MAD1L1: variants seen among roughly 807,000 people sequenced by gnomAD.
MAD1L1 encodes mitotic arrest deficient 1 like 1.
Under a neutral mutation model 96.9 loss-of-function variants are expected in MAD1L1, and 95 were observed. That is an observed-to-expected ratio of 0.98 (90% confidence interval 0.83 to 1.16). The LOEUF (loss-of-function observed/expected upper bound fraction) is 1.16, where lower values mean the gene tolerates loss of function less well. Ranked by LOEUF, MAD1L1 falls within the 50% of genes most tolerant of loss-of-function variation. The probability of loss-of-function intolerance (pLI) is 0.00; values close to 1 mark genes in which losing one functional copy is unlikely to be tolerated. For synonymous variants in MAD1L1, 473 were observed against 396.6 expected (o/e 1.19, Z -2.29); for missense variants, 1,007 against 954.4 (o/e 1.06, Z -0.73).
chr7:2,064,346 C>T (rs1450640161), intron 12 of MAD1L1, among the ~76,000 whole-genome samples: 4 of 152,150 alleles, frequency 2.6e-5, no homozygotes, highest in African/African-American at 7.2e-5. Flanking sequence ...GCAGAGTCAA[C>T]TGAGAACGCG....
chr7:2,044,302 C>T (rs1402111488), intron 12 of MAD1L1, among the ~76,000 whole-genome samples: 4 of 152,222 alleles, frequency 2.6e-5, no homozygotes, highest in Admixed American at 6.5e-5. Context: ...GAGACACAGA[C>T]GAATGACTTC....
intron 5 of MAD1L1, among the ~76,000 whole-genome samples, chr7:2,221,354 G>A (rs1584586575): frequency 2.0e-5 from 3 of 152,172 alleles, no homozygotes; most frequent in South Asian, 2.1e-4. Context: ...AGCTTCTCGG[G>A]AGCCAATCAC....
intron 10 of MAD1L1, among the ~76,000 whole-genome samples, chr7:2,202,362 C>T (rs1200748057): frequency 6.6e-6 from 1 of 152,222 alleles, no homozygotes; most frequent in Non-Finnish European, 1.5e-5. Flanking sequence ...CTGGCTCACG[C>T]CCCACCCTGG....
intron 10 of MAD1L1, among the ~76,000 whole-genome samples, chr7:2,159,552 C>G (rs1004600028): frequency 2.6e-5 from 4 of 152,204 alleles, no homozygotes; most frequent in Non-Finnish European, 4.4e-5. Context: ...AATGCAGGCT[C>G]CAGAAAGGCA....
chr7:1,980,257 T>G (rs1291588541), intron 15 of MAD1L1, among the ~76,000 whole-genome samples, 196 bp downstream of exon 15: 1 of 150,270 alleles, frequency 6.7e-6, no homozygotes, highest in African/African-American at 2.5e-5. Flanking sequence ...CGTGCCCACC[T>G]CCCCCCACCC....
At chr7:1,989,785 G>T (rs1319014863) in intron 14 of MAD1L1, among the ~76,000 whole-genome samples, 1 of 152,224 alleles carries the variant, frequency 6.6e-6, no homozygotes, top group Non-Finnish European at 1.5e-5. Context: ...CCCAGCCTCA[G>T]TGTAGGCCGG....
intron 18 of MAD1L1, among the ~76,000 whole-genome samples, chr7:1,893,218 C>A (rs1437760642): frequency 6.6e-6 from 1 of 152,190 alleles, no homozygotes; most frequent in Non-Finnish European, 1.5e-5. Context: ...GCAGCCAGCT[C>A]CCTCCACCCA....
chr7:2,095,476 T>C (rs1037341937), intron 11 of MAD1L1, among the ~76,000 whole-genome samples: 5 of 152,182 alleles, frequency 3.3e-5, no homozygotes, highest in Admixed American at 6.5e-5. Flanking sequence ...GCAGCCTGAG[T>C]GGGTTAGCGC....
chr7:1,893,012 A>G (rs1239946013), intron 18 of MAD1L1, among the ~76,000 whole-genome samples: 1 of 152,148 alleles, frequency 6.6e-6, no homozygotes, highest in African/African-American at 2.4e-5. Context: ...CACTGGGAGG[A>G]GTGCAGCCGG....
intron 10 of MAD1L1, among the ~76,000 whole-genome samples, chr7:2,151,998 C>T (rs1035321306): frequency 2.7e-5 from 4 of 149,686 alleles, no homozygotes; most frequent in Non-Finnish European, 4.4e-5. Context: ...ACATTCCCAC[C>T]GACTCTGCAG....
chr7:2,166,099 A>C (rs1039167205), intron 10 of MAD1L1, among the ~76,000 whole-genome samples: 1 of 152,228 alleles, frequency 6.6e-6, no homozygotes, highest in African/African-American at 2.4e-5. Context: ...GGCCGCCAGC[A>C]GCAAAGTCCA....
chr7:1,841,770 T>G (rs555557307), intron 18 of MAD1L1, among the ~76,000 whole-genome samples: 2 of 152,342 alleles, frequency 1.3e-5, no homozygotes, highest in East Asian at 3.9e-4. Flanking sequence ...GGCTGTGAGC[T>G]CAGCCTCAGT....
At chr7:2,149,005 C>T in intron 11 of MAD1L1, 147 bp downstream of exon 11, 1 of 689,768 alleles carries the variant, frequency 1.4e-6, no homozygotes, top group Non-Finnish European at 2.6e-6. Context: ...CCCTCAAATC[C>T]CTGCTCCCCC....
rs530929022 is a variant in MAD1L1 at position 1,891,446 on chromosome 7, A to G, written c.1998+6754T>C. 3.9e-5 allele frequency among the ~76,000 whole-genome samples: 6 copies of G among 152,260 alleles called. No individual in the cohort carries two copies. The East Asian group carries it at 9.7e-4, about 25-fold the overall frequency. ...GAGGCTGAGGGAGGAGAATCGCTTG[A>G]ACCAGGGAGGCAGAGGTTGCAGTGA... On this transcript the variant is annotated intron_variant, in intron 18 of 18. Transcript: ENST00000265854.
chr7:2,116,602 T>C (rs1787715038), intron 11 of MAD1L1, among the ~76,000 whole-genome samples: 1 of 141,650 alleles, frequency 7.1e-6, no homozygotes, highest in African/African-American at 2.6e-5. Flanking sequence ...TACACAGGGC[T>C]GCAGGAGGTG....
intron 10 of MAD1L1, among the ~76,000 whole-genome samples, chr7:2,174,216 G>A (rs1457577254): frequency 6.6e-6 from 1 of 152,198 alleles, no homozygotes; most frequent in African/African-American, 2.4e-5. Context: ...TAGAATCAAA[G>A]GCTGAAAATT....
At chr7:1,862,544 TC>T (rs1418252571) in intron 18 of MAD1L1, among the ~76,000 whole-genome samples, 1 of 152,208 alleles carries the variant, frequency 6.6e-6, no homozygotes. Flanking sequence ...TCTCAACCTT[TC>T]ACAGTGTCAG....
intron 13 of MAD1L1, among the ~76,000 whole-genome samples, chr7:2,007,942 T>C (rs1054754715): frequency 6.6e-5 from 10 of 152,236 alleles, no homozygotes; most frequent in East Asian, 1.9e-4. Flanking sequence ...AAAAGCTCTG[T>C]GCTCAGTCAG....
rs558215932 is a variant in MAD1L1 at position 2,014,636 on chromosome 7, C to G, written c.1225G>C (p.Asp409His). ...KRVLLLTKER[D>H]GMRAILGSYD... ...GACCCCAGGATGGCCCGCATACCGT[C>G]CCGCTCCTGTGGACACAGAGGGCAG... The change falls in exon 13 of 19, where the codon GAC becomes CAC. Residue 409 changes from aspartate to histidine, a missense_variant. Asp to His is a moderately conservative substitution (Grantham distance 81, BLOSUM62 -1). Transcript: ENST00000265854. 2.5e-6 allele frequency: 4 copies of G among 1,609,738 alleles called. No individual in the cohort carries two copies. Among genetic ancestry groups the G allele is most frequent in the Middle Eastern group, 3.3e-4 (2 of 6,046 alleles).
Sources: allele counts gnomAD v4.1 joint callset (sites outside exome capture counted in the v4.1 genomes callset), GRCh38; gene constraint gnomAD v4.1.1; transcripts MANE v1.5; gene names NCBI Gene and HGNC (gene_info 2026-07-23, HGNC 2026-07-21).